Variants in FRY observed in about 807,000 individuals in gnomAD.
FRY encodes the protein FRY microtubule binding protein.
Under a neutral mutation model 348.4 loss-of-function variants are expected in FRY, and 128 were observed. That is an observed-to-expected ratio of 0.37 (90% CI 0.32 to 0.43). The LOEUF is 0.43. FRY is among the 20% of genes least tolerant of loss of function. The pLI, the probability that FRY is intolerant of heterozygous loss-of-function variation, is 1.00. For synonymous variants in FRY, 1,370 were observed against 1,374.7 expected (o/e 1.00, Z 0.08); for missense variants, 2,736 against 3,695.2 (o/e 0.74, Z 6.73).
At chr13:32,216,295 T>C (rs1472258172) in intron 35 of FRY, among the ~76,000 whole-genome samples, 1 of 152,192 alleles carries the variant, frequency 6.6e-6, no homozygotes, top group African/African-American at 2.4e-5. Flanking sequence ...GATTTTACAG[T>C]TGGGAGTCAG....
intron 3 of FRY, among the ~76,000 whole-genome samples, chr13:32,111,363 G>T (rs1255588390): frequency 6.6e-6 from 1 of 152,078 alleles, no homozygotes; most frequent in African/African-American, 2.4e-5. Flanking sequence ...GGGCGTGGTG[G>T]TGTGTGCCTG....
At chr13:32,288,211 T>C (rs931821402) in intron 58 of FRY, among the ~76,000 whole-genome samples, 1 of 152,256 alleles carries the variant, frequency 6.6e-6, no homozygotes, top group African/African-American at 2.4e-5. Flanking sequence ...TAAACAATAC[T>C]TTTTTATTTA....
At chr13:32,199,569 A>G (rs1883882841) in intron 29 of FRY, among the ~76,000 whole-genome samples, 3 of 152,182 alleles carry the variant, frequency 2.0e-5, no homozygotes, top group East Asian at 3.9e-4. Flanking sequence ...AAGATTAACA[A>G]TTGGGAGAAT....
intron 1 of FRY, among the ~76,000 whole-genome samples, chr13:32,038,124 A>G (rs1872611016): frequency 1.3e-5 from 2 of 152,210 alleles, no homozygotes. Flanking sequence ...CTCCTGGTTT[A>G]GAATAAGACT....
At chr13:32,279,228 G>A (rs1158185047) in intron 58 of FRY, among the ~76,000 whole-genome samples, 2 of 152,234 alleles carry the variant, frequency 1.3e-5, no homozygotes, top group African/African-American at 4.8e-5. Context: ...CACAGAGCAA[G>A]GCTGCCTGAT....
intron 1 of FRY, among the ~76,000 whole-genome samples, chr13:32,070,052 T>C (rs551681693): frequency 6.6e-6 from 1 of 152,344 alleles, no homozygotes; most frequent in South Asian, 2.1e-4. Context: ...CTCATCCTTT[T>C]TTGTGGCTGC....
intron 59 of FRY, among the ~76,000 whole-genome samples, chr13:32,291,615 G>A (rs754169486): frequency 6.6e-6 from 1 of 152,048 alleles, no homozygotes; most frequent in Non-Finnish European, 1.5e-5. Context: ...ATGTTGGTCA[G>A]GCTGGTCTCA....
At chr13:32,188,939 G>A (rs1011825183) in intron 28 of FRY, among the ~76,000 whole-genome samples, 1 of 152,118 alleles carries the variant, frequency 6.6e-6, no homozygotes, top group Admixed American at 6.5e-5. Context: ...AGATTGAGAT[G>A]TCTGTAGTGT....
chr13:32,103,888 G>A (rs2138640774), intron 3 of FRY, among the ~76,000 whole-genome samples: 1 of 152,138 alleles, frequency 6.6e-6, no homozygotes, highest in African/African-American at 2.4e-5. Flanking sequence ...GATCACTTGA[G>A]GAGGTGGAGG....
At chr13:32,120,903 G>T (rs1261570072) in intron 4 of FRY, among the ~76,000 whole-genome samples, 2 of 152,100 alleles carry the variant, frequency 1.3e-5, no homozygotes, top group Admixed American at 1.3e-4. Context: ...CTCATGATCC[G>T]CCCACCTTGG....
intron 1 of FRY, among the ~76,000 whole-genome samples, chr13:32,056,397 A>G (rs1313483429): frequency 6.6e-6 from 1 of 152,146 alleles, no homozygotes; most frequent in Non-Finnish European, 1.5e-5. Context: ...TGGCCCTCCT[A>G]ATACACATTT....
chr13:32,218,298 G>T (rs1018359439), intron 35 of FRY, among the ~76,000 whole-genome samples: 4 of 152,168 alleles, frequency 2.6e-5, no homozygotes, highest in Non-Finnish European at 4.4e-5. Flanking sequence ...AATGTTTGGG[G>T]TACAATTTTT....
intron 1 of FRY, among the ~76,000 whole-genome samples, chr13:32,069,260 C>T (rs554045771): frequency 1.5e-4 from 23 of 152,244 alleles, no homozygotes; most frequent in African/African-American, 5.5e-4. Context: ...CCCAAAGTCC[C>T]TCTAACGGCT....
chr13:32,153,141 A>G (rs1197352941), intron 14 of FRY, among the ~76,000 whole-genome samples: 1 of 152,158 alleles, frequency 6.6e-6, no homozygotes, highest in Non-Finnish European at 1.5e-5. Flanking sequence ...AAATTTGGCA[A>G]TTTCTTTTAA....
chr13:32,106,647 C>G (rs1003330281), intron 3 of FRY, among the ~76,000 whole-genome samples: 10 of 152,106 alleles, frequency 6.6e-5, no homozygotes, highest in African/African-American at 2.4e-4. Context: ...TAGCATATAC[C>G]ATTTCTACTT....
chr13:32,186,127 C>A, intron 26 of FRY, 133 bp from the exon 27 acceptor site: 1 of 745,084 alleles, frequency 1.3e-6, no homozygotes, highest in Non-Finnish European at 2.4e-6. Flanking sequence ...TTTTTAAGTG[C>A]ATGTTTCATT....
Position 32,185,142 on chromosome 13 carries a change from G to A in FRY, c.3313G>A (p.Val1105Ile). Reference protein sequence around the residue: ...SAMVANLIQCVPVHHRRFLFP... With the variant: ...SAMVANLIQCIPVHHRRFLFP... ...AATGGTGGCCAACTTGATTCAGTGTGTTCCAGGTACGGTGATCCGTTACAA... is the reference window on the plus strand; with the variant it reads ...AATGGTGGCCAACTTGATTCAGTGTATTCCAGGTACGGTGATCCGTTACAA... The change falls in exon 26 of 61, where the codon GTT (valine) becomes ATT (isoleucine). Residue 1105 changes from valine to isoleucine, a missense_variant. Physicochemically the swap from Val to Ile is conservative, Grantham distance 29. Transcript: ENST00000542859. The A allele has an allele frequency of 6.2e-7, 1 of 1,613,496 alleles. No individual in the cohort carries two copies. Among genetic ancestry groups the A allele is most frequent in the Non-Finnish European group, 8.5e-7 (1 of 1,179,446 alleles).
chr13:32,120,067 T>G (rs1878554970), intron 4 of FRY, among the ~76,000 whole-genome samples: 1 of 152,206 alleles, frequency 6.6e-6, no homozygotes, highest in Admixed American at 6.5e-5. Context: ...TAGTCTTGAT[T>G]TATTTTGAAA....
intron 4 of FRY, among the ~76,000 whole-genome samples, chr13:32,122,270 T>C (rs576855395): frequency 1.4e-3 from 214 of 151,922 alleles, no homozygotes; most frequent in African/African-American, 4.9e-3. Context: ...AGTGAAACCC[T>C]GTCTCTACTA....
Sources: allele counts gnomAD v4.1 joint callset (sites outside exome capture counted in the v4.1 genomes callset), GRCh38; gene constraint gnomAD v4.1.1; transcripts MANE v1.5; gene names NCBI Gene and HGNC (gene_info 2026-07-23, HGNC 2026-07-21).